ZNF536: variants seen among roughly 807,000 people sequenced by gnomAD.
ZNF536 encodes the protein zinc finger protein 536.
Under a neutral mutation model 84.5 loss-of-function variants are expected in ZNF536, and 13 were observed. The observed-to-expected ratio is 0.15, with a 90% CI of 0.10 to 0.24. ZNF536 has a LOEUF of 0.24. ZNF536 is among the 10% of genes least tolerant of loss of function. ZNF536 has a pLI of 1.00. For missense variants in ZNF536, 1,536 were observed against 1,747.5 expected (o/e 0.88, Z 2.16); for synonymous variants, 811 against 742.5 (o/e 1.09, Z -1.50).
chr19:30,597,648 G>T (rs1460359841), intron 1 of ZNF536, among the ~76,000 whole-genome samples: 1 of 152,166 alleles, frequency 6.6e-6, no homozygotes, highest in Non-Finnish European at 1.5e-5. Flanking sequence ...AGGGATAATA[G>T]TTACTCATGA....
intron 2 of ZNF536, among the ~76,000 whole-genome samples, chr19:30,311,320 AC>A (rs1405395774): frequency 1.3e-5 from 2 of 152,132 alleles, no homozygotes; most frequent in Non-Finnish European, 2.9e-5. Context: ...CCCTTTTGCC[AC>A]CCCTGTGTGC....
intron 1 of ZNF536, among the ~76,000 whole-genome samples, chr19:30,274,994 G>A (rs962439026): frequency 5.9e-5 from 9 of 152,290 alleles, no homozygotes; most frequent in Admixed American, 2.0e-4. Flanking sequence ...TTTTTCCCCC[G>A]TTTGCATCAT....
At chr19:30,626,545 G>C (rs2048686789) in intron 1 of ZNF536, among the ~76,000 whole-genome samples, 1 of 152,054 alleles carries the variant, frequency 6.6e-6, no homozygotes, top group Non-Finnish European at 1.5e-5. Context: ...AGTTCGGTGG[G>C]GGCTTCAGCC....
At chr19:30,402,822 TA>T (rs2050108834) in intron 1 of ZNF536, among the ~76,000 whole-genome samples, 2 of 142,520 alleles carry the variant, frequency 1.4e-5, no homozygotes, top group Non-Finnish European at 3.1e-5. Context: ...TATATATATA[TA>T]ATTTTCAAAA....
At chr19:30,528,744 G>A (rs1482777076) in intron 2 of ZNF536, among the ~76,000 whole-genome samples, 3 of 152,058 alleles carry the variant, frequency 2.0e-5, no homozygotes, top group African/African-American at 4.8e-5. Context: ...TTCATCTGTT[G>A]GCCAAAACTG....
chr19:30,394,754 T>C (rs1476438713), intron 1 of ZNF536, among the ~76,000 whole-genome samples: 1 of 152,228 alleles, frequency 6.6e-6, no homozygotes, highest in African/African-American at 2.4e-5. Flanking sequence ...ATTTATGAAC[T>C]GGACTTACAC....
chr19:30,700,378 C>T (rs1349045717), intron 1 of ZNF536, among the ~76,000 whole-genome samples: 1 of 141,554 alleles, frequency 7.1e-6, no homozygotes, highest in Non-Finnish European at 1.5e-5. Context: ...TCCTTTCTTA[C>T]TTTCCTTCCT....
intron 1 of ZNF536, among the ~76,000 whole-genome samples, chr19:30,601,262 T>A (rs2047673279): frequency 6.6e-6 from 1 of 152,202 alleles, no homozygotes; most frequent in South Asian, 2.1e-4. Context: ...TTCCCCACAT[T>A]TCTACAAGTC....
chr19:30,594,198 G>A (rs1010078806), intron 1 of ZNF536, among the ~76,000 whole-genome samples: 17 of 152,202 alleles, frequency 1.1e-4, no homozygotes, highest in African/African-American at 3.6e-4. Context: ...CTCATCTTAC[G>A]TATAGCTGTC....
chr19:30,384,042 G>A (rs917303479), intron 1 of ZNF536, among the ~76,000 whole-genome samples: 3 of 132,428 alleles, frequency 2.3e-5, no homozygotes, highest in East Asian at 2.4e-4. Flanking sequence ...GTGGCCCCAC[G>A]GTCTGCTACT....
chr19:30,225,689 G>GC (rs1192751214), upstream of ZNF536, among the ~76,000 whole-genome samples: 1 of 147,750 alleles, frequency 6.8e-6, no homozygotes, highest in African/African-American at 2.5e-5. Flanking sequence ...AACAAAGGTG[G>GC]GGGGGGGATC....
At position 30,317,634 on chromosome 19, in the gene ZNF536, C is replaced by T. The variant is rs142813102; in HGVS notation, c.-120+33493C>T. ...ATGTGTCTTGGGCAGACCATTTGCGCCTGGCTGCTGGAGCGGGGCTGGGCA... is the reference window on the plus strand; with the variant it reads ...ATGTGTCTTGGGCAGACCATTTGCGTCTGGCTGCTGGAGCGGGGCTGGGCA... On this transcript the variant is annotated intron_variant, in intron 2 of 5. Transcript: ENST00000585628. 3.8e-3 allele frequency among the ~76,000 whole-genome samples: 586 copies of T among 152,302 alleles called. 5 individuals carry two copies. The highest frequency in any genetic ancestry group is 0.014 in the African/African-American group (574 of 41,564).
chr19:30,647,527 C>T (rs2049521612), intron 1 of ZNF536, among the ~76,000 whole-genome samples: 1 of 152,180 alleles, frequency 6.6e-6, no homozygotes, highest in African/African-American at 2.4e-5. Flanking sequence ...AAATATTTTC[C>T]TCTCCCTGGG....
At chr19:30,583,102 C>T (rs2046981943) in intron 1 of ZNF536, among the ~76,000 whole-genome samples, 1 of 152,188 alleles carries the variant, frequency 6.6e-6, no homozygotes, top group African/African-American at 2.4e-5. Context: ...AGCCCCAGAC[C>T]TCTGTAGGCC....
intron 3 of ZNF536, among the ~76,000 whole-genome samples, chr19:30,539,135 A>G (rs2045217579): frequency 6.6e-6 from 1 of 152,000 alleles, no homozygotes; most frequent in Non-Finnish European, 1.5e-5. Flanking sequence ...CCACACACAC[A>G]CACGCACACA....
intron 4 of ZNF536, chr19:30,555,468 T>C (rs1599789432): frequency 6.6e-6 from 1 of 152,236 alleles, no homozygotes; most frequent in Non-Finnish European, 1.5e-5. Context: ...TTTCTTGGTA[T>C]GTGGAGAAGT....
chr19:30,569,769 A>T (rs1364176456), intron 1 of ZNF536, among the ~76,000 whole-genome samples: 1 of 151,378 alleles, frequency 6.6e-6, no homozygotes, highest in Non-Finnish European at 1.5e-5. Flanking sequence ...ACGGGGTTTC[A>T]CCATGTTGGC....
chr19:30,466,083 G>A (rs1034446076), intron 2 of ZNF536, among the ~76,000 whole-genome samples: 2 of 152,030 alleles, frequency 1.3e-5, no homozygotes, highest in Non-Finnish European at 2.9e-5. Flanking sequence ...GGGTCTGGTG[G>A]TGGGCACCTA....
At chr19:30,692,588 C>T (rs2051456298) in intron 1 of ZNF536, among the ~76,000 whole-genome samples, 6 of 152,214 alleles carry the variant, frequency 3.9e-5, no homozygotes, top group Admixed American at 3.9e-4. Context: ...GCCTGAAGGG[C>T]CAGAAACGGA....
Sources: gnomAD v4.1 joint callset for allele counts (sites outside exome capture counted in the v4.1 genomes callset) on GRCh38, gnomAD v4.1.1 for gene constraint, MANE v1.5 for transcripts, NCBI Gene and HGNC (gene_info 2026-07-23, HGNC 2026-07-21) for gene names.